Variants in DTNA observed in about 807,000 individuals in gnomAD.
DTNA encodes dystrophin-related protein 3.
A neutral mutation model predicts 100.7 loss-of-function variants in DTNA; 43 were observed. The ratio of observed to expected loss-of-function variants is 0.43; its 90% CI spans 0.33 to 0.55. DTNA has a LOEUF of 0.55. Ranked by LOEUF, DTNA falls within the 20% of genes least tolerant of loss-of-function variation. The pLI is 0.04. For synonymous variants in DTNA, 349 were observed against 347.9 expected, an observed-to-expected ratio of 1.00 and a Z score of -0.04; for missense variants, 798 against 953.9, an observed-to-expected ratio of 0.84 and a Z score of 2.15.
chr18:34,758,851 A>T (rs2092954462), intron 2 of DTNA, among the ~76,000 whole-genome samples: 4 of 152,234 alleles, frequency 2.6e-5, no homozygotes, highest in African/African-American at 9.6e-5. Flanking sequence ...AAAGGTAAAG[A>T]ACAGAGAGCA....
At chr18:34,692,350 A>C (rs1600289779) in intron 1 of DTNA, among the ~76,000 whole-genome samples, 1 of 152,226 alleles carries the variant, frequency 6.6e-6, no homozygotes, top group African/African-American at 2.4e-5. Context: ...TAATCTTCAT[A>C]ATAACCCCAC....
At chr18:34,792,271 T>A (rs2094781844) in intron 3 of DTNA, among the ~76,000 whole-genome samples, 1 of 152,214 alleles carries the variant, frequency 6.6e-6, no homozygotes. Flanking sequence ...TGGTTACAGA[T>A]CCTGCAGTTA....
At chr18:34,548,900 C>T (rs1262776143) in intron 1 of DTNA, among the ~76,000 whole-genome samples, 2 of 152,084 alleles carry the variant, frequency 1.3e-5, no homozygotes, top group Non-Finnish European at 2.9e-5. Context: ...AAACAGGAAG[C>T]AAGTCTGTGA....
In DTNA at chr18:34,565,495, C is replaced by T. The variant is rs190637830; in HGVS notation, c.-2+71981C>T. ...GAAAAAACAGACATTTATTTTGCCA[C>T]GGTCAGGAGGCTAGAAGTCCAAAAT... On this transcript the variant is annotated intron_variant, in intron 1 of 19. Coordinates refer to the DTNA transcript ENST00000283365. 2.2e-4 allele frequency among the ~76,000 whole-genome samples: 34 copies of T among 152,272 alleles called. No homozygotes were observed. The East Asian group carries it at 4.2e-3, about 19-fold the overall frequency.
At chr18:34,662,378 T>A (rs2075319994) in intron 1 of DTNA, among the ~76,000 whole-genome samples, 1 of 152,116 alleles carries the variant, frequency 6.6e-6, no homozygotes, top group African/African-American at 2.4e-5. Context: ...AATACCTGCT[T>A]CCCAAACATG....
chr18:34,564,104 G>A lies in DTNA; in HGVS notation c.-2+70590G>A, dbSNP rs188018961. Among the ~76,000 whole-genome samples the A allele has an allele frequency of 5.3e-3, 796 of 151,388 alleles. 4 individuals carry two copies. The highest frequency in any genetic ancestry group is 9.2e-3 in the Non-Finnish European group (622 of 67,904). ...AGGCAGAAGGCGGAAGGCTTTTATCGTATAATTGCAAGTTTGTGCCCTTCG... is the reference window on the plus strand; with the variant it reads ...AGGCAGAAGGCGGAAGGCTTTTATCATATAATTGCAAGTTTGTGCCCTTCG... On this transcript the variant is annotated intron_variant, in intron 1 of 19. Transcript: ENST00000283365.
At chr18:34,766,814 G>T (rs1363185645) in intron 3 of DTNA, among the ~76,000 whole-genome samples, 1 of 151,990 alleles carries the variant, frequency 6.6e-6, no homozygotes, top group Non-Finnish European at 1.5e-5. Context: ...TTTTCTGAAA[G>T]AACAAAATTA....
intron 1 of DTNA, among the ~76,000 whole-genome samples, chr18:34,553,772 G>A (rs943169871): frequency 6.6e-6 from 1 of 152,118 alleles, no homozygotes; most frequent in Non-Finnish European, 1.5e-5. Context: ...ATGCTGTTTT[G>A]GTTACTGTAG....
chr18:34,650,332 A>G (rs1443397726), intron 1 of DTNA, among the ~76,000 whole-genome samples: 6 of 152,110 alleles, frequency 3.9e-5, no homozygotes, highest in Non-Finnish European at 5.9e-5. Context: ...ATTTTATTTC[A>G]AGGATGAAGT....
intron 1 of DTNA, among the ~76,000 whole-genome samples, chr18:34,571,077 G>A (rs1249918892): frequency 6.6e-6 from 1 of 152,080 alleles, no homozygotes; most frequent in Non-Finnish European, 1.5e-5. Context: ...ACTGAGGTTC[G>A]GTTAAGTTCC....
chr18:34,517,156 A>G (rs1318299537), intron 1 of DTNA, among the ~76,000 whole-genome samples: 5 of 152,134 alleles, frequency 3.3e-5, no homozygotes, highest in Admixed American at 6.6e-5. Flanking sequence ...AGCCATCCAC[A>G]TAACTGTTGC....
chr18:34,883,570 A>C (rs1029177313), intron 21 of DTNA, among the ~76,000 whole-genome samples: 2 of 152,070 alleles, frequency 1.3e-5, no homozygotes, highest in Admixed American at 1.3e-4. Context: ...CCGGCCTCCC[A>C]AAGTGTTGGG....
chr18:34,849,809 C>T lies in DTNA; in HGVS notation c.1434+1426C>T, dbSNP rs377487116. Reference sequence around the variant, plus strand: ...GAGTGGAGGCATTACTCTGCTGCTTCGGACAGGGCAAGTGTGTGGCACTTT... The same window carrying T: ...GAGTGGAGGCATTACTCTGCTGCTTTGGACAGGGCAAGTGTGTGGCACTTT... On this transcript the variant is annotated intron_variant, in intron 14 of 22. Transcript: ENST00000444659. Among the ~76,000 whole-genome samples, 91 of 152,368 alleles carry T rather than the reference C, an allele frequency of 6.0e-4. 2 individuals carry two copies. In the East Asian group the frequency reaches 0.011, roughly 18 times the overall value.
intron 1 of DTNA, chr18:34,573,935 C>T (rs1219599097): frequency 1.3e-5 from 2 of 152,288 alleles, no homozygotes; most frequent in Admixed American, 6.5e-5. Context: ...GAAGGTTCTT[C>T]GCTCATTTGT....
chr18:34,703,599 G>A (rs2081693819), intron 1 of DTNA, among the ~76,000 whole-genome samples: 1 of 152,134 alleles, frequency 6.6e-6, no homozygotes, highest in South Asian at 2.1e-4. Flanking sequence ...GTGGAACAAG[G>A]AGCATGCCTC....
chr18:34,807,172 G>A (rs2149264825), intron 5 of DTNA, among the ~76,000 whole-genome samples: 1 of 152,272 alleles, frequency 6.6e-6, no homozygotes, highest in African/African-American at 2.4e-5. Context: ...AGTTTAAAAT[G>A]ATGTTGATGC....
At chr18:34,668,649 A>G (rs2076293151) in intron 1 of DTNA, among the ~76,000 whole-genome samples, 1 of 152,012 alleles carries the variant, frequency 6.6e-6, no homozygotes, top group Non-Finnish European at 1.5e-5. Flanking sequence ...TGGTTTCAAA[A>G]AACATCTTTA....
chr18:34,880,397 A>G (rs117434913), intron 20 of DTNA, among the ~76,000 whole-genome samples: 1 of 152,342 alleles, frequency 6.6e-6, no homozygotes, highest in Non-Finnish European at 1.5e-5. Context: ...AAGCTGGGAC[A>G]GAGCTGCAGA....
intron 1 of DTNA, among the ~76,000 whole-genome samples, chr18:34,733,239 T>A (rs1432013386): frequency 6.6e-6 from 1 of 152,184 alleles, no homozygotes; most frequent in Non-Finnish European, 1.5e-5. Flanking sequence ...GGCTTCTGGG[T>A]CTGCAAACTG....
Sources: gnomAD v4.1 joint callset for allele counts (sites outside exome capture counted in the v4.1 genomes callset) on GRCh38, gnomAD v4.1.1 for gene constraint, MANE v1.5 for transcripts, NCBI Gene and HGNC (gene_info 2026-07-23, HGNC 2026-07-21) for gene names.